MALAT1: variants seen among roughly 807,000 people sequenced by gnomAD.
The protein encoded by MALAT1 is hepcarcin.
At chr11:65,504,627 G>A (rs1312528705) in intron 3 of MALAT1, 1 of 518,936 alleles carries the variant, frequency 1.9e-6, no homozygotes, top group Admixed American at 1.9e-5. Context: ...TCTGGTGGTG[G>A]GAGGGGACTG....
intron 3 of MALAT1, chr11:65,505,842 G>A (rs765121449): frequency 8.4e-6 from 4 of 477,776 alleles, no homozygotes; most frequent in Non-Finnish European, 1.7e-5. Flanking sequence ...TTCAAGAACT[G>A]TAATGCTGGG....
At chr11:65,504,973 A>G (rs746214110) in intron 3 of MALAT1, 18 of 518,740 alleles carry the variant, frequency 3.5e-5, no homozygotes, top group African/African-American at 3.1e-4. Context: ...CAGACTATAG[A>G]AGGAGCTTCC....
At chr11:65,501,447 CT>C (rs746073535) in exon 3 of MALAT1, 81 of 514,550 alleles carry the variant, frequency 1.6e-4, no homozygotes, top group Admixed American at 8.1e-4. Context: ...GGTAGTTACT[CT>C]TTTTTCCCCC....
rs372466583 is a variant in MALAT1 at position 65,500,882 on chromosome 11, G to T, written n.2145G>T. 9 of 517,718 alleles carry T rather than the reference G, an allele frequency of 1.7e-5. No homozygotes were observed. The African/African-American group carries it at 1.7e-4, about 10-fold the overall frequency. 32.1% of individuals were successfully genotyped at this position (517,718 alleles called of 1,614,324 possible). ...ACTGAGGTGTAAAGGGATTTATATG[G>T]GGACGTAGGCCGATTTCCGGGTGTT... is the stretch of plus-strand genomic sequence containing the variant. On this transcript the variant is annotated non_coding_transcript_exon_variant, in exon 3 of 4. Coordinates refer to ENST00000619449, the Ensembl canonical transcript of MALAT1.
At chr11:65,500,908 G>C (rs1237713869) in exon 3 of MALAT1, 2 of 513,992 alleles carry the variant, frequency 3.9e-6, no homozygotes, top group Admixed American at 2.0e-5. Flanking sequence ...TCCGGGTGTT[G>C]TAGGTTTCTC....
At chr11:65,498,056 C>T (rs775986221) in intron 1 of MALAT1, 8 of 518,786 alleles carry the variant, frequency 1.5e-5, no homozygotes, top group East Asian at 1.1e-4. Flanking sequence ...CTTCCTGCTC[C>T]GGTTCAGAAG....
exon 1 of MALAT1, chr11:65,497,840 G>T: frequency 1.9e-6 from 1 of 514,914 alleles, no homozygotes; most frequent in Non-Finnish European, 3.9e-6. Context: ...GAAGCCCGGC[G>T]CCGGGAAGCC....
exon 3 of MALAT1, chr11:65,501,008 G>T (rs79910129): frequency 1.8e-5 from 8 of 448,826 alleles, no homozygotes; most frequent in Admixed American, 4.8e-5. Context: ...AAGTTTGTGG[G>T]TTTTTTTTTT....
chr11:65,499,258 A>G (rs771918330), exon 3 of MALAT1: 2 of 513,400 alleles, frequency 3.9e-6, no homozygotes, highest in Admixed American at 2.0e-5. Context: ...GACTTAGAAG[A>G]GTAGCATGAG....
exon 3 of MALAT1, chr11:65,500,842 A>G (rs1337499050): frequency 1.9e-6 from 1 of 518,760 alleles, no homozygotes; most frequent in Non-Finnish European, 3.8e-6. Context: ...TTCTAATATA[A>G]TGGGGGAGTT....
exon 3 of MALAT1, chr11:65,501,721 C>G (rs750179061): frequency 3.9e-6 from 2 of 519,000 alleles, no homozygotes; most frequent in Admixed American, 3.9e-5. Context: ...CTGAAAAGTA[C>G]AGCACAGTGC....
At chr11:65,504,047 G>A (rs765765715) in intron 3 of MALAT1, 2 of 518,170 alleles carry the variant, frequency 3.9e-6, no homozygotes, top group South Asian at 2.8e-5. Flanking sequence ...TACAATCTTA[G>A]AGTGGTAGGC....
intron 1 of MALAT1, chr11:65,498,435 A>C (rs777118267): frequency 1.9e-6 from 1 of 518,472 alleles, no homozygotes; most frequent in Non-Finnish European, 3.8e-6. Context: ...TGTGGGATTG[A>C]GGCGTTTTCC....
chr11:65,498,130 C>A, intron 1 of MALAT1: 1 of 518,926 alleles, frequency 1.9e-6, no homozygotes, highest in Non-Finnish European at 3.8e-6. Flanking sequence ...CCTAAAAAAG[C>A]AGACCCAGAG....
chr11:65,504,898 T>C (rs1258902586), intron 3 of MALAT1: 1 of 518,864 alleles, frequency 1.9e-6, no homozygotes, highest in South Asian at 1.4e-5. Context: ...TTACTTTAAA[T>C]AAACCAAACA....
chr11:65,500,977 C>T (rs754274955), exon 3 of MALAT1: 13 of 512,846 alleles, frequency 2.5e-5, no homozygotes, highest in Non-Finnish European at 5.0e-5. Flanking sequence ...ACTGCCAAGT[C>T]CTGGAGAAAT....
intron 1 of MALAT1, chr11:65,498,051 T>A (rs770284614): frequency 7.7e-6 from 4 of 518,860 alleles, no homozygotes; most frequent in Non-Finnish European, 1.2e-5. Context: ...TTTTTCTTCC[T>A]GCTCCGGTTC....
chr11:65,501,847 G>A (rs1854553356), exon 3 of MALAT1: 1 of 517,362 alleles, frequency 1.9e-6, no homozygotes, highest in Admixed American at 2.0e-5. Context: ...TAAAGGGGAG[G>A]GGCAAATATT....
intron 3 of MALAT1, chr11:65,505,149 G>T (rs767167345): frequency 3.9e-6 from 2 of 519,020 alleles, no homozygotes; most frequent in South Asian, 2.8e-5. Flanking sequence ...GGGTGGAGGG[G>T]TGAGGTGGGC....
Sources: allele counts gnomAD v4.1 joint callset, GRCh38; gene constraint gnomAD v4.1.1; transcripts MANE v1.5; gene names NCBI Gene and HGNC (gene_info 2026-07-23, HGNC 2026-07-21).